The following CIP2A variants were observed in gnomAD, a reference collection of about 807,000 sequenced individuals.
CIP2A encodes cellular inhibitor of PP2A.
Under a neutral mutation model 110.9 loss-of-function variants are expected in CIP2A, and 103 were observed. The observed-to-expected ratio is 0.93, with a 90% confidence interval of 0.79 to 1.09. The LOEUF (loss-of-function observed/expected upper bound fraction) is 1.09. Among genes scored for constraint, CIP2A ranks in the 50% least tolerant of loss-of-function variants. The pLI, the probability that CIP2A is intolerant of heterozygous loss-of-function variation, is 0.00. For synonymous variants in CIP2A, 381 were observed against 361.6 expected (o/e 1.05, Z -0.61); for missense variants, 1,088 against 1,038.4 (o/e 1.05, Z -0.66).
chr3:108,580,201 G>A (rs532456839), intron 5 of CIP2A, among the ~76,000 whole-genome samples: 4 of 152,290 alleles, frequency 2.6e-5, no homozygotes, highest in South Asian at 2.1e-4. Context: ...GTTACACACC[G>A]TGGAGCAGCA....
intron 1 of CIP2A, among the ~76,000 whole-genome samples, chr3:108,587,872 C>T (rs1429392391): frequency 6.6e-6 from 1 of 152,036 alleles, no homozygotes; most frequent in Non-Finnish European, 1.5e-5. Context: ...ACCTCAGCCT[C>T]CCGAGTTCAA....
intron 20 of CIP2A, among the ~76,000 whole-genome samples, chr3:108,551,546 A>C (rs2083898819): frequency 6.6e-6 from 1 of 152,142 alleles, no homozygotes; most frequent in Admixed American, 6.6e-5. Context: ...ACTTGTCTTA[A>C]GTTAATGCCA....
chr3:108,564,686 C>T (rs1163092662), intron 12 of CIP2A, among the ~76,000 whole-genome samples: 1 of 151,848 alleles, frequency 6.6e-6, no homozygotes, highest in East Asian at 1.9e-4. Context: ...AATGACCAAT[C>T]TGCTTTTAGT....
intron 1 of CIP2A, among the ~76,000 whole-genome samples, chr3:108,586,306 A>G (rs1360022276): frequency 1.3e-5 from 2 of 152,190 alleles, no homozygotes; most frequent in African/African-American, 4.8e-5. Context: ...ATGAAAGTGC[A>G]GATGCCAGTA....
intron 8 of CIP2A, among the ~76,000 whole-genome samples, chr3:108,575,917 C>T (rs996706138): frequency 1.1e-4 from 16 of 141,696 alleles, no homozygotes; most frequent in African/African-American, 4.3e-4. Context: ...TATACATATA[C>T]GTATATATAC....
chr3:108,578,290 A>G (rs1220955620), intron 7 of CIP2A, among the ~76,000 whole-genome samples: 2 of 152,230 alleles, frequency 1.3e-5, no homozygotes, highest in African/African-American at 4.8e-5. Context: ...TCTGGTGGGT[A>G]GAATAGATAT....
At chr3:108,566,890 G>A (rs1938209026) in intron 10 of CIP2A, among the ~76,000 whole-genome samples, 1 of 151,714 alleles carries the variant, frequency 6.6e-6, no homozygotes, top group Non-Finnish European at 1.5e-5. Context: ...TTGGATGTCT[G>A]TTTTTTGTTA....
rs1328313873 is a variant in CIP2A, at chr3:108,557,326, T to G, written c.2102A>C (p.Glu701Ala). 6.2e-7 allele frequency: 1 copy of G among 1,612,928 alleles called. No homozygotes were observed. The highest frequency in any genetic ancestry group is 8.5e-7 in the Non-Finnish European group (1 of 1,179,334). ...VLLKAQQVES[E>A]RAQSDIEHLF... ...ATGCTCAATATCACTCTGCGCTCTT[T>G]CTGATTCAACTTGCTGCGCCTTCAG... Residue 701 changes from glutamate (E) to alanine (A), a missense_variant, in exon 17 of 21, where the codon GAA (glutamate) becomes GCA (alanine). Physicochemically the swap from Glu to Ala is moderately radical, Grantham distance 107. Transcript: ENST00000295746.
Position 108,565,387 on chromosome 3 carries a change from C to G in CIP2A, c.1483G>C (p.Gly495Arg). Residue 495 changes from glycine to arginine, a missense_variant, in exon 12 of 21, where the codon GGT becomes CGT. Gly to Arg is a moderately radical substitution (Grantham distance 125, BLOSUM62 -2). Transcript: ENST00000295746. ...LINKLKPLVP[G>R]MEVSFYKILQ... ...ATTTTGTAGAAGCTTACTTCCATAC[C>G]AGGAACCAATGGTTTAAGTTTGTTA... The G allele has an allele frequency of 6.3e-7, 1 of 1,597,468 alleles. No homozygotes were observed. The highest frequency in any genetic ancestry group is 8.5e-7 in the Non-Finnish European group (1 of 1,170,850).
At chr3:108,553,489 T>C (rs976447052) in intron 19 of CIP2A, among the ~76,000 whole-genome samples, 159 bp downstream of exon 19, 22 of 152,004 alleles carry the variant, frequency 1.4e-4, no homozygotes, top group African/African-American at 5.1e-4. Flanking sequence ...TAAACCGAAC[T>C]GCTTTTGTGA....
chr3:108,553,188 C>T (rs1161342727), intron 19 of CIP2A, among the ~76,000 whole-genome samples: 1 of 119,000 alleles, frequency 8.4e-6, no homozygotes, highest in Non-Finnish European at 1.6e-5. Context: ...AGTGCAGTGG[C>T]GTGAACATAG....
intron 17 of CIP2A, among the ~76,000 whole-genome samples, chr3:108,556,411 TAA>T (rs532776452): frequency 6.6e-4 from 100 of 152,222 alleles, no homozygotes; most frequent in African/African-American, 2.2e-3. Flanking sequence ...CCTAAAAAGA[TAA>T]AAGAGTTTAT....
intron 17 of CIP2A, among the ~76,000 whole-genome samples, chr3:108,555,271 G>T (rs1937749635): frequency 6.6e-6 from 1 of 152,140 alleles, no homozygotes; most frequent in South Asian, 2.1e-4. Context: ...GACAAAGCAG[G>T]TATCCCCTTT....
intron 8 of CIP2A, chr3:108,574,472 C>G (rs1938499340): frequency 6.6e-6 from 1 of 152,148 alleles, no homozygotes; most frequent in African/African-American, 2.4e-5. Flanking sequence ...TGATTCCACT[C>G]CTAGATATAA....
In CIP2A at chr3:108,560,634, T is replaced by A. The variant is rs1346296014; in HGVS notation, c.1827+15A>T. On this transcript the variant is annotated intron_variant, in intron 14 of 20. Transcript: ENST00000295746. ...CTAATATGTACCAGGTTATAATTGC[T>A]ATTTTTTCACTCACCACCATTCCAG... The A allele has an allele frequency of 6.5e-7, 1 of 1,548,494 alleles. No individual in the cohort carries two copies. Among genetic ancestry groups the A allele is most frequent in the South Asian group, 1.2e-5 (1 of 84,532 alleles).
intron 17 of CIP2A, among the ~76,000 whole-genome samples, chr3:108,555,410 C>T (rs1576297677): frequency 1.3e-5 from 2 of 152,138 alleles, no homozygotes; most frequent in African/African-American, 4.8e-5. Flanking sequence ...TAATAGTAGC[C>T]TAAATCAAAG....
chr3:108,583,283 CTTG>C (rs1938943792), intron 2 of CIP2A, among the ~76,000 whole-genome samples, 200 bp from the exon 3 acceptor site: 1 of 152,012 alleles, frequency 6.6e-6, no homozygotes, highest in African/African-American at 2.4e-5. Flanking sequence ...AAAGAAAAAA[CTTG>C]TTTACACATT....
At chr3:108,578,221 A>G (rs1938748291) in intron 7 of CIP2A, among the ~76,000 whole-genome samples, 1 of 152,232 alleles carries the variant, frequency 6.6e-6, no homozygotes, top group Admixed American at 6.5e-5. Context: ...TTAGTCTTCC[A>G]GACGAGGTTT....
At chr3:108,553,953 G>A (rs1185873915) in intron 18 of CIP2A, among the ~76,000 whole-genome samples, 2 of 148,732 alleles carry the variant, frequency 1.3e-5, no homozygotes, top group African/African-American at 2.5e-5. Context: ...GGAGTGCAGT[G>A]GCATGATCTT....
Sources: allele counts gnomAD v4.1 joint callset (sites outside exome capture counted in the v4.1 genomes callset), GRCh38; gene constraint gnomAD v4.1.1; transcripts MANE v1.5; gene names NCBI Gene and HGNC (gene_info 2026-07-23, HGNC 2026-07-21).